ZBTB1: variants seen among roughly 807,000 people sequenced by gnomAD.
ZBTB1 encodes zinc finger and BTB domain-containing protein 1.
Under a neutral mutation model 51.6 loss-of-function variants are expected in ZBTB1, and 13 were observed. The ratio of observed to expected loss-of-function variants is 0.25; its 90% CI spans 0.16 to 0.40. The LOEUF (loss-of-function observed/expected upper bound fraction) is 0.40, where lower values mean the gene tolerates loss of function less well. Among genes scored for constraint, ZBTB1 ranks in the 10% least tolerant of loss-of-function variants. ZBTB1 has a pLI of 1.00. For missense variants in ZBTB1, 567 were observed against 856.5 expected (o/e 0.66, Z 4.22); for synonymous variants, 240 against 282.2 (o/e 0.85, Z 1.50).
chr14:64,529,774 A>G (rs746316926), downstream of ZBTB1, among the ~76,000 whole-genome samples: 17 of 152,266 alleles, frequency 1.1e-4, no homozygotes, highest in Admixed American at 4.6e-4. Flanking sequence ...CTGTCGCAAA[A>G]AATAAAAACA....
chr14:64,523,500 G>T lies in ZBTB1; in HGVS notation c.1996G>T (p.Val666Phe). 6.2e-7 allele frequency: 1 copy of T among 1,609,512 alleles called. No individual in the cohort carries two copies. Among genetic ancestry groups the T allele is most frequent in the Non-Finnish European group, 8.5e-7 (1 of 1,177,424 alleles). ...HLSAGETICQVCFQIFPNNEQ... is the reference protein window; with the variant it reads ...HLSAGETICQFCFQIFPNNEQ... ...ATCTGCTGGTGAGACTATATGCCAG[G>T]TCTGCTTTCAGATATTCCCAAATAA... Residue 666 changes from valine to phenylalanine, a missense_variant, in exon 2 of 2, where the codon GTC becomes TTC. This residue lies in a region of ZBTB1 where 69 missense variants were observed against 171.8 expected (regional missense o/e 0.40). Coordinates refer to ENST00000683701, the MANE Select transcript of ZBTB1 (RefSeq NM_001123329.2). The surrounding 1 kb of genome is among the most constrained non-coding windows in gnomAD (Gnocchi z 4.5).
intron 1 of ZBTB1, among the ~76,000 whole-genome samples, chr14:64,513,030 A>G (rs2079741300): frequency 1.3e-5 from 2 of 152,200 alleles, no homozygotes; most frequent in African/African-American, 4.8e-5. Context: ...AATCTTGAAA[A>G]TGAGTCTTAT....
Sources: allele counts gnomAD v4.1 joint callset (sites outside exome capture counted in the v4.1 genomes callset), GRCh38; gene constraint gnomAD v4.1.1; regional missense constraint gnomAD v4.1.1; non-coding constraint Gnocchi (gnomAD v3.1); transcripts MANE v1.5; gene names NCBI Gene and HGNC (gene_info 2026-07-23, HGNC 2026-07-21).